Variants in NDST4 observed in about 807,000 individuals in gnomAD.
NDST4 encodes N-deacetylase and N-sulfotransferase 4, also known as N-heparan sulfate sulfotransferase 4.
In NDST4, 63 loss-of-function variants were observed where a neutral mutation model predicts 100.8. The ratio of observed to expected loss-of-function variants is 0.62; its 90% confidence interval spans 0.51 to 0.77. The LOEUF is 0.77. Among genes scored for constraint, NDST4 ranks in the 30% least tolerant of loss-of-function variants. NDST4 has a pLI of 0.00. For synonymous variants in NDST4, 377 were observed against 361.8 expected (o/e 1.04, Z -0.48); for missense variants, 943 against 1,018.4 (o/e 0.93, Z 1.01).
intron 2 of NDST4, among the ~76,000 whole-genome samples, chr4:115,072,193 G>C (rs770827502): frequency 6.6e-6 from 1 of 151,974 alleles, no homozygotes; most frequent in Non-Finnish European, 1.5e-5. Context: ...TAATCTTGAA[G>C]GACTTGAAGA....
At chr4:114,966,907 G>T (rs2126239057) in intron 4 of NDST4, among the ~76,000 whole-genome samples, 1 of 152,188 alleles carries the variant, frequency 6.6e-6, no homozygotes, top group East Asian at 1.9e-4. Flanking sequence ...TTTAGAGAAT[G>T]AAAGAGCAAG....
chr4:114,906,587 C>T (rs1724953224), intron 6 of NDST4, among the ~76,000 whole-genome samples: 1 of 151,930 alleles, frequency 6.6e-6, no homozygotes, highest in African/African-American at 2.4e-5. Flanking sequence ...TCTCAAATTT[C>T]CCTATATTTA....
intron 6 of NDST4, among the ~76,000 whole-genome samples, chr4:114,918,482 T>A (rs1477661134): frequency 6.6e-6 from 1 of 151,676 alleles, no homozygotes; most frequent in African/African-American, 2.4e-5. Flanking sequence ...GCATGGCACA[T>A]GTATACATAT....
intron 2 of NDST4, among the ~76,000 whole-genome samples, chr4:115,019,855 G>A (rs1028135758): frequency 6.6e-6 from 1 of 152,038 alleles, no homozygotes; most frequent in African/African-American, 2.4e-5. Context: ...ACTCAATTGT[G>A]CTTTTGCCTT....
chr4:114,857,256 G>C (rs905118470), intron 7 of NDST4, among the ~76,000 whole-genome samples: 3 of 152,168 alleles, frequency 2.0e-5, no homozygotes, highest in Non-Finnish European at 4.4e-5. Flanking sequence ...CAAGAAGAGA[G>C]TGCTATGGAA....
intron 2 of NDST4, among the ~76,000 whole-genome samples, chr4:115,059,299 G>T (rs1240523693): frequency 1.3e-5 from 2 of 151,988 alleles, no homozygotes; most frequent in African/African-American, 4.8e-5. Flanking sequence ...TGAAATAAAT[G>T]AAAGTTACCT....
intron 6 of NDST4, among the ~76,000 whole-genome samples, chr4:114,889,934 T>C (rs974328695): frequency 2.0e-5 from 3 of 152,162 alleles, no homozygotes; most frequent in South Asian, 4.1e-4. Flanking sequence ...ACAAAAAATG[T>C]GTTTTCGAAG....
Position 114,970,489 on chromosome 4 carries a change from G to A in NDST4, c.1162C>T (p.Leu388Phe). The change falls in exon 4 of 14, where the codon CTC (leucine) becomes TTC (phenylalanine). Residue 388 changes from leucine to phenylalanine, a missense_variant. Physicochemically the swap from Leu to Phe is conservative, Grantham distance 22. This residue lies in a region of NDST4 where 526 missense variants were observed against 634.1 expected (regional missense o/e 0.83). Transcript: ENST00000264363. ...PHMWSHMQPH[L>F]FHNESSLVEQ... ...ACTAAAGATGACTCGTTGTGGAAGA[G>A]GTGGGGCTGCATGTGGCTCCACATG... The A allele has an allele frequency of 6.2e-7, 1 of 1,614,028 alleles. No individual in the cohort carries two copies. Among genetic ancestry groups the A allele is most frequent in the Middle Eastern group, 1.7e-4 (1 of 6,056 alleles).
At position 115,084,906 on chromosome 4, in the gene NDST4, G is replaced by A. The variant is rs538735203; in HGVS notation, c.-246-7624C>T. Among the ~76,000 whole-genome samples, 6 of 152,210 alleles carry A rather than the reference G, an allele frequency of 3.9e-5. No homozygotes were observed. In the South Asian group the frequency reaches 1.2e-3, roughly 32 times the overall value. ...CCCCCACAGTCCCTACTGTGGCACT[G>A]CTTAGTGAGAAGAGGGCCAGCATCC... On this transcript the variant is annotated intron_variant, in intron 1 of 13. Coordinates refer to ENST00000264363, the MANE Select transcript of NDST4 (RefSeq NM_022569.3).
rs79750007 is a variant in NDST4, at chr4:114,973,701, C to T, written c.1067-3117G>A. On this transcript the variant is annotated intron_variant, in intron 3 of 13. Transcript: ENST00000264363. ...TCTGCCAAAATAAGAATAATTTTGCCCTACAGGTTAATCTCCTTAAAAGTA... is the reference window on the plus strand; with the variant it reads ...TCTGCCAAAATAAGAATAATTTTGCTCTACAGGTTAATCTCCTTAAAAGTA... Among the ~76,000 whole-genome samples the T allele has an allele frequency of 2.8e-3, 428 of 151,534 alleles. 3 individuals carry two copies. The highest frequency in any genetic ancestry group is 0.023 in the East Asian group (117 of 5,174).
intron 2 of NDST4, among the ~76,000 whole-genome samples, chr4:115,032,229 C>G (rs952412827): frequency 2.0e-5 from 3 of 152,036 alleles, no homozygotes; most frequent in Admixed American, 2.0e-4. Context: ...TTCTAATTCT[C>G]TAAATAAAAA....
chr4:114,850,037 C>A (rs1430924227), intron 8 of NDST4, among the ~76,000 whole-genome samples: 1 of 152,040 alleles, frequency 6.6e-6, no homozygotes, highest in Non-Finnish European at 1.5e-5. Context: ...AACATGAAAT[C>A]TAGAAGTTTT....
intron 1 of NDST4, among the ~76,000 whole-genome samples, chr4:115,109,186 G>C (rs922359389): frequency 1.3e-5 from 2 of 151,594 alleles, no homozygotes; most frequent in African/African-American, 4.8e-5. Flanking sequence ...AGAAAGAAAG[G>C]AGCTAATGAA....
At chr4:114,939,856 T>C (rs1725711402) in intron 4 of NDST4, among the ~76,000 whole-genome samples, 1 of 152,164 alleles carries the variant, frequency 6.6e-6, no homozygotes, top group African/African-American at 2.4e-5. Context: ...TATATAATTA[T>C]GAGTTTATGC....
At chr4:114,902,106 CTG>C (rs1724854040) in intron 6 of NDST4, among the ~76,000 whole-genome samples, 1 of 151,928 alleles carries the variant, frequency 6.6e-6, no homozygotes, top group South Asian at 2.1e-4. Flanking sequence ...TTTGGACCAA[CTG>C]TTATGTGTTA....
intron 6 of NDST4, among the ~76,000 whole-genome samples, chr4:114,925,972 AT>A (rs1271819656): frequency 6.6e-6 from 1 of 152,104 alleles, no homozygotes; most frequent in African/African-American, 2.4e-5. Flanking sequence ...TGTTTTGACT[AT>A]TTTCAGTTGC....
rs569921768 is a variant in NDST4, at chr4:115,050,089, T to C, written c.978+25970A>G. 5.9e-5 allele frequency among the ~76,000 whole-genome samples: 9 copies of C among 152,248 alleles called. No individual in the cohort carries two copies. The East Asian group carries it at 1.7e-3, about 29-fold the overall frequency. On this transcript the variant is annotated intron_variant, in intron 2 of 13. Coordinates refer to ENST00000264363, the MANE Select transcript of NDST4 (RefSeq NM_022569.3). ...CCTTTACTTTAATATCTTGCTTTCA[T>C]GTTATATATTCCTACCAATCCCCAT...
At chr4:115,013,165 C>T (rs1727593173) in intron 2 of NDST4, among the ~76,000 whole-genome samples, 1 of 150,322 alleles carries the variant, frequency 6.7e-6, no homozygotes, top group African/African-American at 2.4e-5. Context: ...AGGGTGACTA[C>T]AATAAACAAT....
intron 4 of NDST4, among the ~76,000 whole-genome samples, chr4:114,963,912 T>C (rs1208670809): frequency 1.3e-5 from 2 of 152,206 alleles, no homozygotes; most frequent in African/African-American, 4.8e-5. Flanking sequence ...TTCTATAATG[T>C]CTTCCAACTA....
Sources: gnomAD v4.1 joint callset for allele counts (sites outside exome capture counted in the v4.1 genomes callset) on GRCh38, gnomAD v4.1.1 for gene constraint, gnomAD v4.1.1 regional missense constraint, MANE v1.5 for transcripts, NCBI Gene and HGNC (gene_info 2026-07-23, HGNC 2026-07-21) for gene names.